STAM: variants seen among roughly 807,000 people sequenced by gnomAD.
STAM encodes the protein signal transducing adapter molecule 1.
In STAM, 16 loss-of-function variants were observed where a neutral mutation model predicts 63.4. The observed-to-expected ratio is 0.25, with a 90% confidence interval of 0.17 to 0.38. The LOEUF (loss-of-function observed/expected upper bound fraction) is 0.38. Ranked by LOEUF, STAM falls within the 10% of genes least tolerant of loss-of-function variation. The pLI is 1.00. For synonymous variants in STAM, 238 were observed against 223.9 expected (o/e 1.06, Z -0.56); for missense variants, 636 against 657.1 (o/e 0.97, Z 0.35).
At position 17,706,402 on chromosome 10, in the gene STAM, G is replaced by A. The variant is rs544410559; in HGVS notation, c.1209+661G>A. Among the ~76,000 whole-genome samples the A allele has an allele frequency of 1.8e-3, 223 of 122,012 alleles. 1 individual carries two copies. Among genetic ancestry groups the A allele is most frequent in the African/African-American group, 5.4e-3 (178 of 33,086 alleles). 80.0% of individuals were successfully genotyped at this position (122,012 alleles called of 152,430 possible). On this transcript the variant is annotated intron_variant, in intron 12 of 13. Coordinates refer to ENST00000377524, the MANE Select transcript of STAM (RefSeq NM_003473.4). ...TTTTTTTTTTTTTTTTTTTTGAGGC[G>A]GAGTCTCACTCCGTGGCCCAGGCTG...
chr10:17,649,940 T>A (rs1351364152), intron 1 of STAM, among the ~76,000 whole-genome samples: 1 of 152,192 alleles, frequency 6.6e-6, no homozygotes. Context: ...AGTGTTGTAG[T>A]TATCTTGACT....
intron 9 of STAM, 60 bp downstream of exon 9, chr10:17,700,339 C>CT: frequency 7.4e-7 from 1 of 1,347,640 alleles, no homozygotes; most frequent in Non-Finnish European, 1.0e-6. Context: ...AATGGTTTTG[C>CT]TTTAAGAAAA....
At chr10:17,676,120 C>T (rs990347963) in intron 2 of STAM, among the ~76,000 whole-genome samples, 5 of 152,090 alleles carry the variant, frequency 3.3e-5, no homozygotes, top group Non-Finnish European at 5.9e-5. Flanking sequence ...TTAGAAAGGT[C>T]TATTGCAAAA....
Position 17,695,240 on chromosome 10 carries a change from A to G in STAM, c.727A>G (p.Ser243Gly). Residue 243 changes from serine to glycine, a missense_variant and splice_region_variant, in exon 7 of 14, where the codon AGT becomes GGT. Coordinates refer to ENST00000377524, the MANE Select transcript of STAM (RefSeq NM_003473.4). ...AGEIITVLDD[S>G]DPNWWKGETH... ...AGAAATTATTACAGTTCTTGATGAC[A>G]GGTAATGTTAATATTACATTTAAAA... is the stretch of plus-strand genomic sequence containing the variant. 2.5e-6 allele frequency: 4 copies of G among 1,612,230 alleles called. No homozygotes were observed. Among genetic ancestry groups the G allele is most frequent in the Non-Finnish European group, 3.4e-6 (4 of 1,178,900 alleles).
chr10:17,692,817 A>G (rs903577224), intron 5 of STAM, among the ~76,000 whole-genome samples: 1 of 152,172 alleles, frequency 6.6e-6, no homozygotes, highest in African/African-American at 2.4e-5. Context: ...AACTCTAACT[A>G]TTAATAGATA....
rs782702794 is a variant in STAM, at chr10:17,693,226, C to T, written c.449C>T (p.Ala150Val). Residue 150 changes from alanine (A) to valine (V), a missense_variant, in exon 6 of 14, where the codon GCA (alanine) becomes GTA (valine). Physicochemically the swap from Ala to Val is moderately conservative, Grantham distance 64. This residue lies in a region of STAM where 532 missense variants were observed against 536.9 expected (regional missense o/e 0.99). Transcript: ENST00000377524. The stretch of plus-strand genomic sequence containing the variant: ...TGTGTTCCTCTTTTTTGTTAGGCTG[C>T]AGAACAAGCAAAAGCAAGCCCAGCT... ...VTFPAIGSQA[A>V]EQAKASPALV... 1.9e-6 allele frequency: 3 copies of T among 1,612,678 alleles called. No homozygotes were observed. The Admixed American group carries it at 5.0e-5, about 27-fold the overall frequency.
chr10:17,668,835 A>G (rs1554823727), intron 2 of STAM, among the ~76,000 whole-genome samples: 3 of 152,142 alleles, frequency 2.0e-5, no homozygotes, highest in Non-Finnish European at 4.4e-5. Flanking sequence ...CATTATATGG[A>G]TGTTCTACAG....
At chr10:17,706,223 T>A (rs56977444) in intron 12 of STAM, among the ~76,000 whole-genome samples, 11,362 of 151,704 alleles carry the variant, frequency 0.075, 451 homozygotes, top group Middle Eastern at 0.13. Flanking sequence ...ATTATGCTAA[T>A]AGTTTTTTGT....
chr10:17,694,091 G>T (rs1554827143), intron 6 of STAM, among the ~76,000 whole-genome samples: 1 of 151,918 alleles, frequency 6.6e-6, no homozygotes, highest in East Asian at 1.9e-4. Context: ...TTTCTCTTGG[G>T]TAAATTGTCT....
In STAM at chr10:17,699,812, A is replaced by G. The variant is rs534460780; in HGVS notation, c.824-379A>G. ...TGAGATTTTTTCTTGAAGGATTAGTAATTTAAAAAGAGGGTTTATTTTAAA... is the reference window on the plus strand; with the variant it reads ...TGAGATTTTTTCTTGAAGGATTAGTGATTTAAAAAGAGGGTTTATTTTAAA... On this transcript the variant is annotated intron_variant, in intron 8 of 13. Coordinates refer to ENST00000377524, the MANE Select transcript of STAM (RefSeq NM_003473.4). Among the ~76,000 whole-genome samples, 3 of 152,278 alleles carry G rather than the reference A, an allele frequency of 2.0e-5. No homozygotes were observed. In the South Asian group the frequency reaches 6.2e-4, roughly 32 times the overall value.
At chr10:17,705,519 G>T (rs1836220677) in intron 11 of STAM, 69 bp from the exon 12 acceptor site, 3 of 1,498,194 alleles carry the variant, frequency 2.0e-6, no homozygotes, top group Admixed American at 2.2e-5. Flanking sequence ...ATATTTTGAT[G>T]TATCATTATT....
chr10:17,664,046 G>A (rs961551703), intron 2 of STAM, among the ~76,000 whole-genome samples: 4 of 151,700 alleles, frequency 2.6e-5, no homozygotes, highest in Non-Finnish European at 5.9e-5. Flanking sequence ...TTTCTTTGAA[G>A]CAAAAGTTCA....
intron 1 of STAM, among the ~76,000 whole-genome samples, chr10:17,653,905 G>A (rs1833838302): frequency 6.6e-6 from 1 of 152,118 alleles, no homozygotes; most frequent in African/African-American, 2.4e-5. Flanking sequence ...TGTTTTTTGT[G>A]ATAAAACTCT....
chr10:17,647,276 A>C (rs1316752236), intron 1 of STAM, among the ~76,000 whole-genome samples: 1 of 152,246 alleles, frequency 6.6e-6, no homozygotes, highest in Non-Finnish European at 1.5e-5. Flanking sequence ...CAAAGTCTCT[A>C]GTGACTTCCA....
intron 2 of STAM, among the ~76,000 whole-genome samples, chr10:17,666,749 C>T (rs1834404537): frequency 6.6e-6 from 1 of 151,984 alleles, no homozygotes; most frequent in Admixed American, 6.6e-5. Context: ...TTCCGGCCTT[C>T]AGTAGGAAGT....
At position 17,658,308 on chromosome 10, in the gene STAM, T is replaced by G. The variant is rs182630114; in HGVS notation, c.41-2156T>G. Among the ~76,000 whole-genome samples the G allele has an allele frequency of 3.3e-3, 497 of 152,332 alleles. 2 individuals are homozygous for G. The highest frequency in any genetic ancestry group is 0.011 in the African/African-American group (470 of 41,572). On this transcript the variant is annotated intron_variant, in intron 1 of 13. Coordinates refer to ENST00000377524, the MANE Select transcript of STAM (RefSeq NM_003473.4). The stretch of plus-strand genomic sequence containing the variant: ...TTATTCCATTGTAATCACTATGTGA[T>G]TTCTATTGTTTTAGATTTGTCTTGG...
chr10:17,689,758 A>G (rs12763500), intron 5 of STAM, among the ~76,000 whole-genome samples: 6,791 of 152,252 alleles, frequency 0.045, 189 homozygotes, highest in East Asian at 0.16. Flanking sequence ...TGTTAACTCA[A>G]AACTTGGTTT....
intron 7 of STAM, 96 bp from the exon 8 acceptor site, chr10:17,696,679 A>C (rs1835772037): frequency 2.4e-6 from 2 of 836,032 alleles, no homozygotes; most frequent in Non-Finnish European, 3.7e-6. Context: ...TGAGATTCAA[A>C]TTTTGTAATA....
At chr10:17,681,447 A>G (rs1184073011) in intron 2 of STAM, among the ~76,000 whole-genome samples, 6 of 151,638 alleles carry the variant, frequency 4.0e-5, no homozygotes, top group African/African-American at 7.3e-5. Flanking sequence ...CATGCTTTCT[A>G]TGATTTTTTA....
Sources: gnomAD v4.1 joint callset for allele counts (sites outside exome capture counted in the v4.1 genomes callset) on GRCh38, gnomAD v4.1.1 for gene constraint, gnomAD v4.1.1 regional missense constraint, MANE v1.5 for transcripts, NCBI Gene and HGNC (gene_info 2026-07-23, HGNC 2026-07-21) for gene names.